VPS37A: variants seen among roughly 807,000 people sequenced by gnomAD.
VPS37A encodes vacuolar protein sorting-associated protein 37A.
A neutral mutation model predicts 49.8 loss-of-function variants in VPS37A; 30 were observed. That is an observed-to-expected ratio of 0.60 (90% CI 0.45 to 0.82). The LOEUF (loss-of-function observed/expected upper bound fraction) is 0.82. Among genes scored for constraint, VPS37A ranks in the 40% least tolerant of loss-of-function variants. The pLI is 0.00. For missense variants in VPS37A, 593 were observed against 464.4 expected, an observed-to-expected ratio of 1.28 and a Z score of -2.55; for synonymous variants, 195 against 160.6, an observed-to-expected ratio of 1.21 and a Z score of -1.62.
At chr8:17,314,048 C>A in the VPS37A span, among the ~76,000 whole-genome samples, 3 of 152,266 alleles carry the variant, frequency 2.0e-5, no homozygotes, top group African/African-American at 7.2e-5. Context: ...CCAGTGGTAT[C>A]TATATTTACA....
chr8:17,266,738 A>T (rs539461843), intron 2 of VPS37A, among the ~76,000 whole-genome samples: 1 of 152,194 alleles, frequency 6.6e-6, no homozygotes, highest in Non-Finnish European at 1.5e-5. Flanking sequence ...GCATGAATAT[A>T]TAAGTGCTGT....
chr8:17,279,942 A>G lies in VPS37A; in HGVS notation c.714-86A>G, dbSNP rs1313857327. On this transcript the variant is annotated intron_variant, in intron 6 of 11. Coordinates refer to ENST00000324849, the MANE Select transcript of VPS37A (RefSeq NM_152415.3). ...AAATTATTTAGAACCCTATCAGTTA[A>G]CTAAAGCTGAAAAATTGTAAATAGT... The G allele has an allele frequency of 1.1e-5, 18 of 1,569,082 alleles. 1 individual carries two copies. The highest frequency in any genetic ancestry group is 1.6e-5 in the Non-Finnish European group (18 of 1,144,936).
intron 6 of VPS37A, among the ~76,000 whole-genome samples, chr8:17,278,342 A>T (rs1814719773): frequency 1.3e-5 from 2 of 152,088 alleles, no homozygotes; most frequent in African/African-American, 4.8e-5. Flanking sequence ...TTACCACCAG[A>T]ATTTATTAAC....
chr8:17,276,261 G>A (rs1215830989), intron 5 of VPS37A, 136 bp from the exon 6 acceptor site: 6 of 653,864 alleles, frequency 9.2e-6, no homozygotes, highest in African/African-American at 1.9e-5. Context: ...GACTAAGGCA[G>A]TGTGAGATGT....
intron 4 of VPS37A, 68 bp from the exon 5 acceptor site, chr8:17,274,665 A>ATT: frequency 2.3e-6 from 3 of 1,327,188 alleles, no homozygotes; most frequent in Non-Finnish European, 3.2e-6. Context: ...ATTTAGAACA[A>ATT]TTTAGAAACA....
chr8:17,268,462 G>A (rs1813676486), intron 3 of VPS37A, 90 bp downstream of exon 3: 2 of 982,960 alleles, frequency 2.0e-6, no homozygotes, highest in Admixed American at 2.7e-5. Context: ...TGCATTTAAA[G>A]TTTCATTTTG....
intron 4 of VPS37A, chr8:17,272,155 A>C (rs993724068): frequency 4.4e-6 from 2 of 449,782 alleles, no homozygotes; most frequent in Non-Finnish European, 8.9e-6. Flanking sequence ...CATCTGCTCA[A>C]AGGCCCACCA....
At chr8:17,313,427 G>T in the VPS37A span, 2 of 1,451,838 alleles carry the variant, frequency 1.4e-6, no homozygotes, top group South Asian at 1.2e-5. Flanking sequence ...TGTTATAAAA[G>T]CAAAATTAAG....
the VPS37A span, among the ~76,000 whole-genome samples, chr8:17,320,461 C>A: frequency 1.6e-4 from 25 of 152,182 alleles, no homozygotes; most frequent in Admixed American, 3.3e-4. Context: ...GAAGGGAGAG[C>A]TGGCTTAAAG....
chr8:17,322,697 C>T, the VPS37A span, among the ~76,000 whole-genome samples: 3 of 151,962 alleles, frequency 2.0e-5, no homozygotes, highest in South Asian at 2.1e-4. Flanking sequence ...TGGAGGTGCA[C>T]GCCTGTAGTC....
chr8:17,280,947 C>T (rs773611946), intron 9 of VPS37A, among the ~76,000 whole-genome samples: 6 of 151,654 alleles, frequency 4.0e-5, no homozygotes, highest in Non-Finnish European at 7.4e-5. Context: ...TGAAAAGGAA[C>T]CAGAGGACAT....
At position 17,247,204 on chromosome 8, in the gene VPS37A, C is replaced by T. The variant is rs1456376410; in HGVS notation, c.-41C>T. ...GGGCCGAGCCACTGGGAGAAGCAGG[C>T]CAGAGCCTTCCAGGGCCTCCGGCCC... On this transcript the variant is annotated 5_prime_UTR_variant, in exon 1 of 12. Transcript: ENST00000324849. 6.4e-6 allele frequency: 10 copies of T among 1,557,982 alleles called. No individual in the cohort carries two copies. Among genetic ancestry groups the T allele is most frequent in the South Asian group, 1.2e-5 (1 of 84,586 alleles).
At chr8:17,276,283 T>G in intron 5 of VPS37A, 114 bp from the exon 6 acceptor site, 1 of 764,464 alleles carries the variant, frequency 1.3e-6, no homozygotes, top group Non-Finnish European at 2.1e-6. Context: ...AAGATGAAAA[T>G]ATGATAATGC....
At chr8:17,312,574 CAAAAAAAAAAAAAA>C in the VPS37A span, among the ~76,000 whole-genome samples, 5 of 87,252 alleles carry the variant, frequency 5.7e-5, no homozygotes, top group Non-Finnish European at 8.6e-5. Context: ...GACTCCCTCT[CAAAAAAAAAAAAAA>C]AAAAAAAAAA....
chr8:17,286,046 G>C (rs1815555429), intron 10 of VPS37A, among the ~76,000 whole-genome samples: 1 of 152,154 alleles, frequency 6.6e-6, no homozygotes. Context: ...GGCTGAGGGA[G>C]TGGATTATGA....
At chr8:17,310,657 A>C in the VPS37A span, among the ~76,000 whole-genome samples, 4 of 152,172 alleles carry the variant, frequency 2.6e-5, no homozygotes, top group Non-Finnish European at 5.9e-5. Flanking sequence ...GGAAGTTCTC[A>C]GACACTTCCA....
At chr8:17,289,434 T>A (rs1240311288) in intron 11 of VPS37A, among the ~76,000 whole-genome samples, 1 of 152,180 alleles carries the variant, frequency 6.6e-6, no homozygotes, top group Non-Finnish European at 1.5e-5. Context: ...CTAGCCAGTT[T>A]TCCCAACACC....
downstream of VPS37A, chr8:17,302,326 G>A: frequency 6.4e-7 from 1 of 1,569,998 alleles, no homozygotes; most frequent in Non-Finnish European, 8.6e-7. Flanking sequence ...ATCACAGTCT[G>A]AAAATTCACA....
At chr8:17,251,654 T>C (rs10108981) in intron 1 of VPS37A, among the ~76,000 whole-genome samples, 2,085 of 152,304 alleles carry the variant, frequency 0.014, 53 homozygotes, top group African/African-American at 0.049. Context: ...CTTCATAAAA[T>C]TAGGCATGAT....
Sources: gnomAD v4.1 joint callset for allele counts (sites outside exome capture counted in the v4.1 genomes callset) on GRCh38, gnomAD v4.1.1 for gene constraint, MANE v1.5 for transcripts, NCBI Gene and HGNC (gene_info 2026-07-23, HGNC 2026-07-21) for gene names.